FAM222B: variants seen among roughly 807,000 people sequenced by gnomAD.
The protein encoded by FAM222B is family with sequence similarity 222 member B, also known as protein FAM222B.
In FAM222B, 12 loss-of-function variants were observed where a neutral mutation model predicts 38.0. The ratio of observed to expected loss-of-function variants is 0.32; its 90% CI spans 0.20 to 0.51. The LOEUF is 0.51. FAM222B is among the 20% of genes least tolerant of loss of function. The probability of loss-of-function intolerance (pLI) is 0.97; values close to 1 mark genes in which losing one functional copy is unlikely to be tolerated. For missense variants in FAM222B, 716 were observed against 754.2 expected (o/e 0.95, Z 0.59); for synonymous variants, 329 against 317.2 (o/e 1.04, Z -0.40).
intron 1 of FAM222B, among the ~76,000 whole-genome samples, chr17:28,825,374 C>G (rs925364390): frequency 7.2e-6 from 1 of 139,110 alleles, no homozygotes; most frequent in Non-Finnish European, 1.5e-5. Context: ...GTGGAGGTTA[C>G]GGGGAACCAA....
intron 2 of FAM222B, among the ~76,000 whole-genome samples, chr17:28,766,248 A>C (rs1304820205): frequency 3.3e-5 from 5 of 152,044 alleles, no homozygotes; most frequent in African/African-American, 1.2e-4. Context: ...TGAGATCAGG[A>C]GTTTGAGACC....
chr17:28,788,490 CG>C (rs1275723553), intron 1 of FAM222B, among the ~76,000 whole-genome samples: 2 of 152,030 alleles, frequency 1.3e-5, no homozygotes, highest in Non-Finnish European at 2.9e-5. Context: ...CTGCCTGCCT[CG>C]GCCTCCCAAA....
At chr17:28,799,337 G>A (rs1248804519) in intron 1 of FAM222B, among the ~76,000 whole-genome samples, 4 of 121,354 alleles carry the variant, frequency 3.3e-5, no homozygotes, top group East Asian at 2.5e-4. Flanking sequence ...TCGGTCTGTC[G>A]CCCAAGCTGG....
At chr17:28,770,587 T>A (rs1229434686) in intron 1 of FAM222B, among the ~76,000 whole-genome samples, 1 of 150,650 alleles carries the variant, frequency 6.6e-6, no homozygotes. Context: ...TTTTTTTTTT[T>A]TGAGACAGAG....
At position 28,773,602 on chromosome 17, in the gene FAM222B, C is replaced by T. The variant is rs981120363; in HGVS notation, c.-40-6895G>A. Among the ~76,000 whole-genome samples, 7 of 151,266 alleles carry T rather than the reference C, an allele frequency of 4.6e-5. No individual in the cohort carries two copies. In the South Asian group the frequency reaches 1.5e-3, roughly 32 times the overall value. On this transcript the variant is annotated intron_variant, in intron 1 of 2. Transcript: ENST00000581407. ...TCACATTAGGTCAGGAGTTTGAGAC[C>T]AGCCTGGCCAACATGGCAAAACCCC...
At chr17:28,822,149 G>C (rs1485708603) in intron 1 of FAM222B, among the ~76,000 whole-genome samples, 1 of 149,642 alleles carries the variant, frequency 6.7e-6, no homozygotes, top group African/African-American at 2.4e-5. Flanking sequence ...AGTCTCCCAA[G>C]TAGCTGGGAC....
chr17:28,775,726 C>T (rs935675612), intron 1 of FAM222B, among the ~76,000 whole-genome samples: 2 of 151,490 alleles, frequency 1.3e-5, no homozygotes, highest in Admixed American at 1.3e-4. Context: ...ACTAAAAATA[C>T]AAAAATTAGC....
chr17:28,779,975 CTTTT>C (rs201541427), intron 1 of FAM222B, among the ~76,000 whole-genome samples: 1 of 144,424 alleles, frequency 6.9e-6, no homozygotes, highest in African/African-American at 2.5e-5. Flanking sequence ...ACTCTAGCCA[CTTTT>C]TTTTTTTTTG....
chr17:28,840,367 A>T (rs2038995822), intron 1 of FAM222B, among the ~76,000 whole-genome samples: 1 of 151,954 alleles, frequency 6.6e-6, no homozygotes, highest in Non-Finnish European at 1.5e-5. Context: ...CTCTGTGTCA[A>T]AACAAAATAA....
intron 1 of FAM222B, among the ~76,000 whole-genome samples, chr17:28,823,334 C>T (rs2038329314): frequency 6.6e-6 from 1 of 151,370 alleles, no homozygotes; most frequent in South Asian, 2.1e-4. Flanking sequence ...CTCTATATAG[C>T]ATTCAACAGA....
chr17:28,812,435 TGCCGCTTGCTCCCA>T (rs2037824681), intron 1 of FAM222B: 1 of 151,658 alleles, frequency 6.6e-6, no homozygotes, highest in Non-Finnish European at 1.5e-5. Flanking sequence ...CCCAGCCGGC[TGCCGCTTGCTCCCA>T]GCCGCCGCCG....
intron 1 of FAM222B, among the ~76,000 whole-genome samples, chr17:28,770,672 G>A (rs983317709): frequency 1.3e-5 from 2 of 151,538 alleles, no homozygotes; most frequent in Non-Finnish European, 2.9e-5. Context: ...CTGGGTTCCC[G>A]CCATTCTCCT....
At chr17:28,761,742 C>T (rs943178753) in intron 2 of FAM222B, among the ~76,000 whole-genome samples, 2 of 152,166 alleles carry the variant, frequency 1.3e-5, no homozygotes, top group Non-Finnish European at 2.9e-5. Flanking sequence ...CAGGCATCCC[C>T]ACCTCCCAAA....
intron 1 of FAM222B, among the ~76,000 whole-genome samples, chr17:28,828,660 G>A (rs1365046802): frequency 6.6e-6 from 1 of 151,850 alleles, no homozygotes; most frequent in African/African-American, 2.4e-5. Flanking sequence ...TTTTAATTAT[G>A]TAAAATGTAT....
chr17:28,834,488 G>T (rs938205042), intron 1 of FAM222B, among the ~76,000 whole-genome samples: 2 of 152,066 alleles, frequency 1.3e-5, no homozygotes, highest in African/African-American at 2.4e-5. Flanking sequence ...CTTTGTACAA[G>T]CTATTTTCTG....
intron 1 of FAM222B, among the ~76,000 whole-genome samples, chr17:28,784,491 TAAAAAAAAAAAAAAAAAAAAAAA>T (rs559624246): frequency 5.8e-4 from 21 of 36,050 alleles, no homozygotes; most frequent in South Asian, 3.1e-3. Context: ...TCCCCTCTCT[TAAAAAAAAAAAAAAAAAAAAAAA>T]AAAAAAAAAA....
At chr17:28,832,316 C>T (rs1567899336) in intron 1 of FAM222B, among the ~76,000 whole-genome samples, 1 of 152,116 alleles carries the variant, frequency 6.6e-6, no homozygotes, top group African/African-American at 2.4e-5. Flanking sequence ...CTGAGATTTC[C>T]TGCAGTTGTC....
At chr17:28,787,101 A>T (rs984795676) in intron 1 of FAM222B, among the ~76,000 whole-genome samples, 3 of 151,646 alleles carry the variant, frequency 2.0e-5, no homozygotes, top group Admixed American at 6.6e-5. Context: ...ATTTTTTTGT[A>T]TTTTTAGTAG....
intron 1 of FAM222B, among the ~76,000 whole-genome samples, chr17:28,853,193 CAAAAA>C (rs71359260): frequency 1.8e-5 from 2 of 112,208 alleles, no homozygotes; most frequent in African/African-American, 3.3e-5. Flanking sequence ...AACTCTGTCT[CAAAAA>C]AAAAAAAAAA....
Sources: allele counts gnomAD v4.1 joint callset (sites outside exome capture counted in the v4.1 genomes callset), GRCh38; gene constraint gnomAD v4.1.1; transcripts MANE v1.5; gene names NCBI Gene and HGNC (gene_info 2026-07-23, HGNC 2026-07-21).